The following USH2A variants were observed in gnomAD, a reference collection of about 807,000 sequenced individuals.
USH2A encodes usherin.
In USH2A, 443 loss-of-function variants were observed where a neutral mutation model predicts 538.9. The observed-to-expected ratio is 0.82, with a 90% CI of 0.76 to 0.89. USH2A has a LOEUF of 0.89. Among genes scored for constraint, USH2A ranks in the 40% least tolerant of loss-of-function variants. The probability of loss-of-function intolerance (pLI) is 0.00; values close to 1 mark genes in which losing one functional copy is unlikely to be tolerated. For missense variants in USH2A, 6,633 were observed against 6,324.8 expected (o/e 1.05, Z -1.65); for synonymous variants, 2,413 against 2,273.5 (o/e 1.06, Z -1.75).
At chr1:216,235,375 A>T (rs1167967973) in intron 13 of USH2A, among the ~76,000 whole-genome samples, 1 of 152,198 alleles carries the variant, frequency 6.6e-6, no homozygotes, top group Non-Finnish European at 1.5e-5. Flanking sequence ...CATTAGGACA[A>T]CATTATTACC....
At chr1:216,276,231 T>C (rs904485716) in intron 11 of USH2A, among the ~76,000 whole-genome samples, 3 of 152,176 alleles carry the variant, frequency 2.0e-5, no homozygotes, top group African/African-American at 7.2e-5. Flanking sequence ...CATATTTTTG[T>C]ACATGACGAG....
chr1:215,944,845 A>T (rs569427203), intron 37 of USH2A, among the ~76,000 whole-genome samples: 3 of 152,308 alleles, frequency 2.0e-5, no homozygotes, highest in African/African-American at 7.2e-5. Context: ...TGTCCAAAAC[A>T]TGAAACATCC....
intron 4 of USH2A, among the ~76,000 whole-genome samples, chr1:216,339,378 A>G (rs2038032545): frequency 6.6e-6 from 1 of 151,664 alleles, no homozygotes; most frequent in African/African-American, 2.4e-5. Context: ...TGAAATAGCC[A>G]ATGTTTGACC....
chr1:216,023,459 C>CAAAAAAAAAAA, intron 32 of USH2A, among the ~76,000 whole-genome samples: 723 of 46,736 alleles, frequency 0.015, 28 homozygotes, highest in East Asian at 0.029. Context: ...TCAAAGCAGA[C>CAAAAAAAAAAA]AAAAAAAAAA....
intron 64 of USH2A, among the ~76,000 whole-genome samples, chr1:215,657,699 C>G (rs1287017254): frequency 6.6e-6 from 1 of 152,130 alleles, no homozygotes; most frequent in Non-Finnish European, 1.5e-5. Flanking sequence ...GAAGAGGGTA[C>G]AGCAGGACAT....
At chr1:216,392,218 G>C (rs1571773440) in intron 3 of USH2A, among the ~76,000 whole-genome samples, 2 of 151,970 alleles carry the variant, frequency 1.3e-5, no homozygotes, top group South Asian at 4.2e-4. Context: ...ACCAATCCTG[G>C]CCAGGTGTGG....
intron 13 of USH2A, among the ~76,000 whole-genome samples, chr1:216,246,297 A>G (rs2036044085): frequency 6.6e-6 from 1 of 152,184 alleles, no homozygotes. Flanking sequence ...TTTTTAAAAA[A>G]CTGTTAAAAA....
At chr1:215,626,486 G>A (rs1056237527) in intron 71 of USH2A, among the ~76,000 whole-genome samples, 2 of 151,964 alleles carry the variant, frequency 1.3e-5, no homozygotes, top group Admixed American at 1.3e-4. Context: ...CTAGCTATTT[G>A]TGCTCCATTT....
At chr1:215,972,636 G>A (rs996941564) in intron 35 of USH2A, among the ~76,000 whole-genome samples, 1 of 152,124 alleles carries the variant, frequency 6.6e-6, no homozygotes, top group Non-Finnish European at 1.5e-5. Context: ...TGTTAAATGA[G>A]TTAATACTTT....
At chr1:215,988,803 G>C (rs543331718) in intron 35 of USH2A, among the ~76,000 whole-genome samples, 26 of 152,216 alleles carry the variant, frequency 1.7e-4, no homozygotes, top group African/African-American at 6.3e-4. Context: ...AAATTCTCAG[G>C]GCTCATGAAG....
At chr1:216,359,950 T>C (rs1216475275) in intron 4 of USH2A, among the ~76,000 whole-genome samples, 7 of 152,154 alleles carry the variant, frequency 4.6e-5, no homozygotes, top group Non-Finnish European at 1.0e-4. Flanking sequence ...ACAGGGACTC[T>C]CTTTCATTGC....
At chr1:216,364,930 A>G (rs1195531578) in intron 4 of USH2A, 23 bp downstream of exon 4, 12 of 1,612,958 alleles carry the variant, frequency 7.4e-6, no homozygotes, top group Non-Finnish European at 1.0e-5. Flanking sequence ...GAAATAAATA[A>G]CATTCTGAAG....
chr1:216,400,216 TTATA>T (rs71161422), intron 3 of USH2A, among the ~76,000 whole-genome samples: 106,965 of 147,212 alleles, frequency 0.73, 38,765 homozygotes, highest in East Asian at 0.82. Flanking sequence ...GAAATAGAAG[TTATA>T]TATATATATA....
chr1:216,298,054 C>CA (rs2037141004), intron 9 of USH2A, among the ~76,000 whole-genome samples: 1 of 152,156 alleles, frequency 6.6e-6, no homozygotes, highest in Non-Finnish European at 1.5e-5. Flanking sequence ...TTGCCAAAGG[C>CA]AAAATTTTGC....
chr1:216,236,374 T>C (rs1001496825), intron 13 of USH2A, among the ~76,000 whole-genome samples: 2 of 152,208 alleles, frequency 1.3e-5, no homozygotes, highest in African/African-American at 4.8e-5. Flanking sequence ...ATTTCTAATA[T>C]GGCTCTCATC....
chr1:215,877,599 G>A (rs1249725041), intron 43 of USH2A, among the ~76,000 whole-genome samples, 159 bp downstream of exon 43: 1 of 152,162 alleles, frequency 6.6e-6, no homozygotes, highest in South Asian at 2.1e-4. Context: ...CATGCTGACT[G>A]TTACAGCTGG....
chr1:215,633,183 G>A (rs1451212325), intron 70 of USH2A, among the ~76,000 whole-genome samples: 13 of 152,176 alleles, frequency 8.5e-5, no homozygotes, highest in Non-Finnish European at 1.5e-5. Flanking sequence ...AGCCACCCAA[G>A]GAGCAGCAGC....
At chr1:216,228,249 G>A (rs1480526174) in intron 14 of USH2A, among the ~76,000 whole-genome samples, 1 of 152,070 alleles carries the variant, frequency 6.6e-6, no homozygotes, top group Admixed American at 6.6e-5. Flanking sequence ...TGCTGGAGTG[G>A]GGAATGAATG....
chr1:216,016,941 T>C (rs916979806), intron 32 of USH2A, among the ~76,000 whole-genome samples: 2 of 151,948 alleles, frequency 1.3e-5, no homozygotes, highest in African/African-American at 4.8e-5. Flanking sequence ...GCTTCTTCAT[T>C]TCCCTCTTTT....
Sources: allele counts gnomAD v4.1 joint callset (sites outside exome capture counted in the v4.1 genomes callset), GRCh38; gene constraint gnomAD v4.1.1; transcripts MANE v1.5; gene names NCBI Gene and HGNC (gene_info 2026-07-23, HGNC 2026-07-21).